Variants in CHD9 observed in about 807,000 individuals in gnomAD.
CHD9 encodes the protein chromodomain helicase DNA binding protein 9.
A neutral mutation model predicts 316.1 loss-of-function variants in CHD9; 77 were observed. The observed-to-expected ratio is 0.24, with a 90% confidence interval of 0.20 to 0.29. The LOEUF (loss-of-function observed/expected upper bound fraction) is 0.29. Among genes scored for constraint, CHD9 ranks in the 10% least tolerant of loss-of-function variants. CHD9 has a pLI of 1.00. For missense variants in CHD9, 2,763 were observed against 3,438.1 expected, an observed-to-expected ratio of 0.80 and a Z score of 4.91; for synonymous variants, 1,129 against 1,158.3, an observed-to-expected ratio of 0.97 and a Z score of 0.51.
chr16:53,222,614 A>G (rs1567508706), intron 3 of CHD9, 30 bp from the exon 4 acceptor site: 2 of 1,028,096 alleles, frequency 1.9e-6, no homozygotes, highest in South Asian at 2.9e-5. Flanking sequence ...CAAAGAATTC[A>G]TACTTTTTAT....
chr16:53,120,576 G>A (rs953757662), intron 1 of CHD9, among the ~76,000 whole-genome samples: 1 of 152,132 alleles, frequency 6.6e-6, no homozygotes, highest in African/African-American at 2.4e-5. Flanking sequence ...TCGCACCATT[G>A]CACTCCAGCC....
chr16:53,133,337 T>G (rs1467899532), intron 1 of CHD9, among the ~76,000 whole-genome samples: 1 of 152,092 alleles, frequency 6.6e-6, no homozygotes, highest in Non-Finnish European at 1.5e-5. Flanking sequence ...GCAGGCTACT[T>G]TAATCGGGGG....
intron 2 of CHD9, among the ~76,000 whole-genome samples, chr16:53,160,067 G>C (rs1189373896): frequency 6.6e-6 from 1 of 152,120 alleles, no homozygotes; most frequent in Non-Finnish European, 1.5e-5. Context: ...CCCTACTGGA[G>C]GAAGATCAAG....
intron 2 of CHD9, among the ~76,000 whole-genome samples, chr16:53,205,837 A>ATCCAGTCCCAAATT (rs1286626588): frequency 2.0e-5 from 3 of 152,182 alleles, no homozygotes; most frequent in Non-Finnish European, 4.4e-5. Flanking sequence ...CTCTCTGATG[A>ATCCAGTCCCAAATT]TCCAGTCCCA....
intron 3 of CHD9, among the ~76,000 whole-genome samples, chr16:53,217,823 C>T (rs532406243): frequency 6.6e-6 from 1 of 151,976 alleles, no homozygotes; most frequent in African/African-American, 2.4e-5. Context: ...CCAGGCTGGC[C>T]TCGAACTCCT....
At chr16:53,099,636 C>A (rs1178700828) in intron 1 of CHD9, among the ~76,000 whole-genome samples, 2 of 152,224 alleles carry the variant, frequency 1.3e-5, no homozygotes, top group African/African-American at 2.4e-5. Flanking sequence ...AACCTGACCT[C>A]TTCCTCCTCC....
At position 53,144,994 on chromosome 16, in the gene CHD9, C is replaced by CAAA. The variant is rs60107956; in HGVS notation, c.-164-10917_-164-10915dup. On this transcript the variant is annotated intron_variant, in intron 1 of 38. Transcript: ENST00000447540. ...TGGGCAACAAAGCAAGACCCTGTCT[C>CAAA]AAAAAAAAAAAAAAAAAGTTCATTT... is the stretch of plus-strand genomic sequence containing the variant. 3.4e-3 allele frequency among the ~76,000 whole-genome samples: 390 copies of CAAA among 113,516 alleles called. 4 individuals are homozygous for CAAA. Among genetic ancestry groups the CAAA allele is most frequent in the African/African-American group, 0.011 (354 of 31,748 alleles). 74.5% of individuals were successfully genotyped at this position (113,516 alleles called of 152,430 possible). A position where few individuals can be genotyped will look rare whatever the true frequency, so the allele number is the denominator to read the frequency against.
At chr16:53,284,195 A>G (rs2053657820) in intron 24 of CHD9, among the ~76,000 whole-genome samples, 2 of 152,228 alleles carry the variant, frequency 1.3e-5, no homozygotes, top group Admixed American at 6.5e-5. Flanking sequence ...ATGAAATTCT[A>G]CTTTGTATAA....
intron 1 of CHD9, among the ~76,000 whole-genome samples, chr16:53,147,015 T>C (rs941172069): frequency 2.6e-5 from 4 of 152,186 alleles, no homozygotes; most frequent in African/African-American, 9.7e-5. Flanking sequence ...TAAATACTTA[T>C]TATCTGATAC....
rs576228319 is a variant in CHD9 at position 53,325,851 on chromosome 16, T to G, written c.*956T>G. Reference sequence around the variant, plus strand: ...AAATTGTTTGTTTGCTTTCTTTGTGTAGATTTCTATTTGTGTTTTATGTCA... The same window carrying G: ...AAATTGTTTGTTTGCTTTCTTTGTGGAGATTTCTATTTGTGTTTTATGTCA... On this transcript the variant is annotated 3_prime_UTR_variant, in exon 39 of 39. Coordinates refer to ENST00000447540, the MANE Select transcript of CHD9 (RefSeq NM_001308319.2). 16 of 152,660 alleles carry G rather than the reference T, an allele frequency of 1.0e-4. No homozygotes were observed. Among genetic ancestry groups the G allele is most frequent in the African/African-American group, 3.8e-4 (16 of 41,580 alleles). 9.5% of individuals were successfully genotyped at this position (152,660 alleles called of 1,614,324 possible). A position where few individuals can be genotyped will look rare whatever the true frequency, so the allele number is the denominator to read the frequency against.
At chr16:53,317,896 A>G (rs1050112957) in intron 36 of CHD9, among the ~76,000 whole-genome samples, 3 of 151,998 alleles carry the variant, frequency 2.0e-5, no homozygotes, top group African/African-American at 7.3e-5. Flanking sequence ...CTCTACAAAA[A>G]AATAAAAAAA....
chr16:53,245,239 A>G lies in CHD9; in HGVS notation c.3055-97A>G, dbSNP rs1318556717. 1.1e-5 allele frequency: 10 copies of G among 890,790 alleles called. No individual in the cohort carries two copies. In the East Asian group the frequency reaches 2.0e-4, roughly 18 times the overall value. 55.2% of individuals were successfully genotyped at this position (890,790 alleles called of 1,614,324 possible). On this transcript the variant is annotated intron_variant, in intron 13 of 38. Transcript: ENST00000447540. The surrounding 1 kb of genome is among the most constrained non-coding windows in gnomAD (Gnocchi z 4.1). The stretch of plus-strand genomic sequence containing the variant: ...CATATATATATGTATATATAGTCAG[A>G]AAAATATTTGCATATTGATCATTCG...
At chr16:53,123,481 T>G (rs1398289199) in intron 1 of CHD9, among the ~76,000 whole-genome samples, 1 of 152,056 alleles carries the variant, frequency 6.6e-6, no homozygotes, top group Non-Finnish European at 1.5e-5. Flanking sequence ...TTTCATACTT[T>G]TTATTTTTTA....
In CHD9 at chr16:53,157,241, A is replaced by G. The variant is rs376659701; in HGVS notation, c.1152A>G (p.Ser384=). Residue 384 remains serine, a synonymous_variant, in exon 2 of 39, where the codon TCA becomes TCG. Transcript: ENST00000447540. ...ATCATGTAGAAACTAATGGCTTTTCATCTTTAGAAGAGAATTTACTTCATC... is the reference window on the plus strand; with the variant it reads ...ATCATGTAGAAACTAATGGCTTTTCGTCTTTAGAAGAGAATTTACTTCATC... ...FNDHVETNGF[S]SLEENLLHQV... 4.4e-6 allele frequency: 7 copies of G among 1,600,146 alleles called. No homozygotes were observed. Among genetic ancestry groups the G allele is most frequent in the African/African-American group, 1.3e-5 (1 of 74,724 alleles).
intron 30 of CHD9, 42 bp downstream of exon 30, chr16:53,297,200 C>G: frequency 6.9e-7 from 1 of 1,443,942 alleles, no homozygotes; most frequent in Non-Finnish European, 9.6e-7. Flanking sequence ...GTCAAAGAAG[C>G]AAAAATCACT....
intron 37 of CHD9, chr16:53,320,079 G>A (rs919368831): frequency 7.1e-5 from 12 of 169,588 alleles, no homozygotes; most frequent in Non-Finnish European, 1.4e-4. Context: ...AGGAAGTTCA[G>A]GAGGGATGAT....
chr16:53,188,260 C>T (rs2044193229), intron 2 of CHD9, among the ~76,000 whole-genome samples: 2 of 152,174 alleles, frequency 1.3e-5, no homozygotes, highest in South Asian at 4.1e-4. Context: ...GTTGTTTCCA[C>T]TTCTTGGCCA....
chr16:53,115,361 G>A (rs2038210988), intron 1 of CHD9, among the ~76,000 whole-genome samples: 1 of 152,328 alleles, frequency 6.6e-6, no homozygotes, highest in South Asian at 2.1e-4. Context: ...AAAACGTAAT[G>A]CTTCCATACT....
chr16:53,187,966 C>G (rs1216271796), intron 2 of CHD9, among the ~76,000 whole-genome samples: 2 of 152,146 alleles, frequency 1.3e-5, no homozygotes, highest in Non-Finnish European at 2.9e-5. Context: ...TCACCACTCC[C>G]AAAAGAAATC....
Sources: allele counts gnomAD v4.1 joint callset (sites outside exome capture counted in the v4.1 genomes callset), GRCh38; gene constraint gnomAD v4.1.1; non-coding constraint Gnocchi (gnomAD v3.1); transcripts MANE v1.5; gene names NCBI Gene and HGNC (gene_info 2026-07-23, HGNC 2026-07-21).